Variants in CSMD1 observed in about 807,000 individuals in gnomAD.
The protein encoded by CSMD1 is CUB and sushi domain-containing protein 1.
Under a neutral mutation model 417.5 loss-of-function variants are expected in CSMD1, and 213 were observed. The observed-to-expected ratio is 0.51, with a 90% CI of 0.46 to 0.57. The LOEUF is 0.57. Ranked by LOEUF, CSMD1 falls within the 20% of genes least tolerant of loss-of-function variation. The pLI is 0.00. For missense variants in CSMD1, 6,923 were observed against 4,529.7 expected (o/e 1.53, Z -15.17); for synonymous variants, 2,862 against 1,736.8 (o/e 1.65, Z -16.11).
intron 27 of CSMD1, 100 bp downstream of exon 27, chr8:3,229,940 G>C (rs1798734605): frequency 3.5e-6 from 3 of 863,098 alleles, no homozygotes; most frequent in Non-Finnish European, 5.1e-6. Flanking sequence ...AGAAACTCTT[G>C]AGAAATATTT....
chr8:3,473,527 G>C (rs1220345678), intron 11 of CSMD1, among the ~76,000 whole-genome samples: 2 of 152,110 alleles, frequency 1.3e-5, no homozygotes, highest in African/African-American at 4.8e-5. Context: ...TGCTAACACT[G>C]AGATATTATT....
chr8:4,854,613 G>T lies in CSMD1; in HGVS notation c.85+139719C>A, dbSNP rs539997712. Reference sequence around the variant, plus strand: ...TTGCCTCACTTGGGAAGCGGAAGGGGTCAGGGAGTTCCCTTTCTGAGTCAA... The same window carrying T: ...TTGCCTCACTTGGGAAGCGGAAGGGTTCAGGGAGTTCCCTTTCTGAGTCAA... On this transcript the variant is annotated intron_variant, in intron 1 of 69. Coordinates refer to ENST00000635120, the MANE Select transcript of CSMD1 (RefSeq NM_033225.6). 3.9e-5 allele frequency among the ~76,000 whole-genome samples: 6 copies of T among 152,320 alleles called. No homozygotes were observed. In the East Asian group the frequency reaches 1.2e-3, roughly 29 times the overall value.
intron 2 of CSMD1, among the ~76,000 whole-genome samples, chr8:4,612,157 G>A (rs557245613): frequency 3.3e-5 from 5 of 152,222 alleles, no homozygotes; most frequent in East Asian, 3.9e-4. Flanking sequence ...GATCGGAGAC[G>A]GTCGGTGGCT....
intron 3 of CSMD1, among the ~76,000 whole-genome samples, chr8:4,077,651 G>T (rs1036209315): frequency 1.3e-5 from 2 of 152,016 alleles, no homozygotes; most frequent in African/African-American, 4.8e-5. Flanking sequence ...TGACAAAAGG[G>T]AGGTATATTT....
chr8:3,264,491 A>C (rs1025568215), intron 26 of CSMD1, among the ~76,000 whole-genome samples: 1 of 152,196 alleles, frequency 6.6e-6, no homozygotes, highest in Non-Finnish European at 1.5e-5. Flanking sequence ...GGCCAAAGAG[A>C]GGGAAAAATC....
At chr8:3,773,942 A>G (rs1309636410) in intron 5 of CSMD1, among the ~76,000 whole-genome samples, 2 of 152,156 alleles carry the variant, frequency 1.3e-5, no homozygotes, top group Admixed American at 6.5e-5. Context: ...ATGACATTGC[A>G]CAGCTAACAG....
At chr8:4,940,925 G>C (rs1434323521) in intron 1 of CSMD1, among the ~76,000 whole-genome samples, 1 of 152,040 alleles carries the variant, frequency 6.6e-6, no homozygotes, top group Non-Finnish European at 1.5e-5. Context: ...AGAAGTGTTT[G>C]GGCAATATTT....
At chr8:3,179,914 C>G (rs1821209930) in intron 37 of CSMD1, among the ~76,000 whole-genome samples, 1 of 152,116 alleles carries the variant, frequency 6.6e-6, no homozygotes, top group Non-Finnish European at 1.5e-5. Flanking sequence ...GAAAATTTAA[C>G]CAGAATGTGA....
At position 3,029,646 on chromosome 8, in the gene CSMD1, C is replaced by G. The variant is rs1157684569; in HGVS notation, c.7661-133G>C. 35 of 665,154 alleles carry G rather than the reference C, an allele frequency of 5.3e-5. 1 individual carries two copies. Among genetic ancestry groups the G allele is most frequent in the Non-Finnish European group, 7.6e-5 (30 of 394,100 alleles). The allele number at this position is 665,154 out of a possible 1,614,324, so 41.2% of individuals were successfully genotyped here. ...CAAAGTTGATGCCATTACGTATTAT[C>G]TCAGTGTTTCTCTACCACCCACATA... On this transcript the variant is annotated intron_variant, in intron 50 of 69. Coordinates refer to ENST00000635120, the MANE Select transcript of CSMD1 (RefSeq NM_033225.6).
Position 3,902,400 on chromosome 8 carries a change from A to C in CSMD1, c.818+95503T>G, listed in dbSNP as rs192883643. 1.8e-3 allele frequency among the ~76,000 whole-genome samples: 272 copies of C among 152,240 alleles called. 1 individual carries two copies. Among genetic ancestry groups the C allele is most frequent in the African/African-American group, 6.2e-3 (256 of 41,546 alleles). The stretch of plus-strand genomic sequence containing the variant: ...CTGAGGCAAATTGTTGGATCTTCCT[A>C]AGGCAGCAGTCCCCATCTTTTTTGC... On this transcript the variant is annotated intron_variant, in intron 5 of 69. Coordinates refer to ENST00000635120, the MANE Select transcript of CSMD1 (RefSeq NM_033225.6).
chr8:4,483,374 C>T (rs1801208140), intron 2 of CSMD1, among the ~76,000 whole-genome samples: 1 of 152,262 alleles, frequency 6.6e-6, no homozygotes, highest in East Asian at 1.9e-4. Flanking sequence ...AATTATTTTG[C>T]TTAATGCTGC....
At chr8:4,427,390 C>A (rs1451424310) in intron 2 of CSMD1, among the ~76,000 whole-genome samples, 5 of 151,980 alleles carry the variant, frequency 3.3e-5, no homozygotes, top group Admixed American at 6.6e-5. Context: ...GCTTTATCAA[C>A]CCCTAGGTAC....
At chr8:3,848,302 C>G (rs1428796684) in intron 5 of CSMD1, among the ~76,000 whole-genome samples, 3 of 152,060 alleles carry the variant, frequency 2.0e-5, no homozygotes, top group African/African-American at 7.2e-5. Flanking sequence ...TACTGCGATC[C>G]CACTAACAAC....
At chr8:4,587,493 G>GTA (rs58349785) in intron 2 of CSMD1, among the ~76,000 whole-genome samples, 6 of 151,588 alleles carry the variant, frequency 4.0e-5, no homozygotes, top group South Asian at 2.1e-4. Flanking sequence ...GTACATATAT[G>GTA]TATATATATA....
intron 1 of CSMD1, among the ~76,000 whole-genome samples, chr8:4,786,493 T>C (rs989772499): frequency 6.6e-6 from 1 of 152,218 alleles, no homozygotes; most frequent in East Asian, 1.9e-4. Context: ...CATTTTATTT[T>C]ATTGGCAATG....
intron 1 of CSMD1, among the ~76,000 whole-genome samples, chr8:4,834,956 CAAAAAAAAA>C (rs1194297821): frequency 2.5e-4 from 5 of 19,834 alleles, no homozygotes; most frequent in African/African-American, 3.7e-4. Context: ...GACTCCATCT[CAAAAAAAAA>C]AAAAAAAAAA....
intron 1 of CSMD1, among the ~76,000 whole-genome samples, chr8:4,756,191 T>C (rs1811657752): frequency 6.6e-6 from 1 of 152,216 alleles, no homozygotes; most frequent in Non-Finnish European, 1.5e-5. Flanking sequence ...TGGAAAACTG[T>C]TGATCTATTT....
chr8:3,102,743 C>G (rs1279235428), intron 46 of CSMD1, among the ~76,000 whole-genome samples: 2 of 152,104 alleles, frequency 1.3e-5, no homozygotes, highest in Non-Finnish European at 2.9e-5. Context: ...CGCCTTTATA[C>G]AAAGCCTGGA....
At chr8:3,659,471 G>A (rs188368805) in intron 7 of CSMD1, among the ~76,000 whole-genome samples, 2 of 152,262 alleles carry the variant, frequency 1.3e-5, no homozygotes, top group Non-Finnish European at 2.9e-5. Context: ...CCGAAACACA[G>A]AAGCAGATGC....
Sources: allele counts gnomAD v4.1 joint callset (sites outside exome capture counted in the v4.1 genomes callset), GRCh38; gene constraint gnomAD v4.1.1; transcripts MANE v1.5; gene names NCBI Gene and HGNC (gene_info 2026-07-23, HGNC 2026-07-21).